The following PDZRN3 variants were observed in gnomAD, a reference collection of about 807,000 sequenced individuals.
PDZRN3 encodes the protein PDZ domain containing ring finger 3.
In PDZRN3, 38 loss-of-function variants were observed where a neutral mutation model predicts 85.7. The observed-to-expected ratio is 0.44, with a 90% CI of 0.34 to 0.58. The LOEUF (loss-of-function observed/expected upper bound fraction) is 0.58, where lower values mean the gene tolerates loss of function less well. Ranked by LOEUF, PDZRN3 falls within the 20% of genes least tolerant of loss-of-function variation. The pLI is 0.01. For missense variants in PDZRN3, 1,629 were observed against 1,506.4 expected (o/e 1.08, Z -1.35); for synonymous variants, 759 against 638.0 (o/e 1.19, Z -2.86).
intron 3 of PDZRN3, among the ~76,000 whole-genome samples, chr3:73,570,780 A>G (rs1417651064): frequency 6.6e-6 from 1 of 152,142 alleles, no homozygotes; most frequent in African/African-American, 2.4e-5. Context: ...GAGGAGGAGG[A>G]GAAGGAGGAT....
intron 3 of PDZRN3, among the ~76,000 whole-genome samples, chr3:73,491,938 G>A (rs1446651038): frequency 6.6e-6 from 1 of 151,962 alleles, no homozygotes; most frequent in East Asian, 1.9e-4. Flanking sequence ...GGGTTCACAC[G>A]TCTCAGGGTA....
intron 3 of PDZRN3, among the ~76,000 whole-genome samples, chr3:73,460,059 A>G (rs1703072519): frequency 6.6e-6 from 1 of 152,236 alleles, no homozygotes; most frequent in East Asian, 1.9e-4. Flanking sequence ...GGGGGCTTTT[A>G]AAATGATTTG....
intron 3 of PDZRN3, among the ~76,000 whole-genome samples, chr3:73,599,497 A>G (rs1702479166): frequency 6.6e-6 from 1 of 152,188 alleles, no homozygotes; most frequent in Admixed American, 6.5e-5. Flanking sequence ...CTGGAGATGG[A>G]TGGTGGTACT....
At chr3:73,608,512 C>T (rs745755314) in intron 2 of PDZRN3, 86 bp downstream of exon 2, 66 of 858,698 alleles carry the variant, frequency 7.7e-5, no homozygotes, top group Non-Finnish European at 1.2e-4. Flanking sequence ...GCAAAGTTTC[C>T]TGCTCCTCAC....
intron 3 of PDZRN3, among the ~76,000 whole-genome samples, chr3:73,484,662 T>C (rs141160366): frequency 3.3e-5 from 5 of 152,344 alleles, no homozygotes; most frequent in East Asian, 1.9e-4. Flanking sequence ...TGAAGAGGAC[T>C]AGGTATGGCT....
At chr3:73,488,790 T>C (rs541365710) in intron 3 of PDZRN3, among the ~76,000 whole-genome samples, 3 of 152,312 alleles carry the variant, frequency 2.0e-5, no homozygotes, top group African/African-American at 7.2e-5. Flanking sequence ...ATCTTAAAAT[T>C]TGTGTTTTGT....
At chr3:73,615,007 C>T (rs895313479) in intron 1 of PDZRN3, among the ~76,000 whole-genome samples, 3 of 151,104 alleles carry the variant, frequency 2.0e-5, no homozygotes, top group Admixed American at 6.6e-5. Context: ...AGACACTCAA[C>T]AAAAGTATTA....
At chr3:73,489,947 A>G (rs959526474) in intron 3 of PDZRN3, among the ~76,000 whole-genome samples, 1 of 152,190 alleles carries the variant, frequency 6.6e-6, no homozygotes, top group Non-Finnish European at 1.5e-5. Flanking sequence ...AAACCCACAA[A>G]TGTGATTACA....
chr3:73,462,876 A>G (rs556674321), intron 3 of PDZRN3, among the ~76,000 whole-genome samples: 8 of 152,208 alleles, frequency 5.3e-5, no homozygotes, highest in Non-Finnish European at 8.8e-5. Context: ...CAAATGAGAA[A>G]GGAGGCTTAA....
chr3:73,396,525 G>C (rs997953439), intron 5 of PDZRN3, among the ~76,000 whole-genome samples: 6 of 152,192 alleles, frequency 3.9e-5, no homozygotes, highest in South Asian at 4.1e-4. Context: ...ATTCTAGACT[G>C]GCTGGGGCAT....
intron 3 of PDZRN3, among the ~76,000 whole-genome samples, chr3:73,597,660 T>C (rs1033453192): frequency 6.6e-6 from 1 of 151,184 alleles, no homozygotes; most frequent in African/African-American, 2.4e-5. Context: ...AATATAGATG[T>C]GGATGGCCTC....
intron 3 of PDZRN3, among the ~76,000 whole-genome samples, chr3:73,507,919 C>A (rs1358711077): frequency 2.0e-5 from 3 of 152,070 alleles, no homozygotes; most frequent in Non-Finnish European, 2.9e-5. Context: ...ATGGTAAAAC[C>A]CCGTTTCTAC....
intron 3 of PDZRN3, among the ~76,000 whole-genome samples, chr3:73,559,887 T>C (rs1372133340): frequency 6.6e-6 from 1 of 152,208 alleles, no homozygotes; most frequent in Non-Finnish European, 1.5e-5. Context: ...TCTTAGTTCT[T>C]CCTTAGAGTC....
chr3:73,595,149 C>G (rs1038007451), intron 3 of PDZRN3, among the ~76,000 whole-genome samples: 52 of 152,182 alleles, frequency 3.4e-4, no homozygotes, highest in African/African-American at 1.2e-3. Flanking sequence ...TAGCTTCCAC[C>G]TTTGGAAACG....
chr3:73,575,267 G>A (rs1033999535), intron 3 of PDZRN3, among the ~76,000 whole-genome samples: 5 of 151,980 alleles, frequency 3.3e-5, no homozygotes, highest in Middle Eastern at 3.2e-3. Flanking sequence ...AGTTCACGTC[G>A]GTGCCTGGAA....
chr3:73,423,500 G>A (rs1285517355), intron 3 of PDZRN3, among the ~76,000 whole-genome samples: 1 of 152,190 alleles, frequency 6.6e-6, no homozygotes, highest in Admixed American at 6.5e-5. Context: ...TTTGGTTCAT[G>A]TGTTGTTTGT....
rs1405277539 is a variant in PDZRN3 at position 73,551,710 on chromosome 3, GA to G, written c.918+50643del. On this transcript the variant is annotated intron_variant, in intron 3 of 9. Coordinates refer to ENST00000263666, the MANE Select transcript of PDZRN3 (RefSeq NM_015009.3). ...TTTCAAAAAAAAAAAAAAAAAAAAG[GA>G]AAAAAAGAAACATATAATTATTTCC... Among the ~76,000 whole-genome samples the G allele has an allele frequency of 1.2e-3, 174 of 142,874 alleles. 1 individual carries two copies. Among genetic ancestry groups the G allele is most frequent in the African/African-American group, 4.1e-3 (160 of 39,268 alleles). 93.7% of individuals were successfully genotyped at this position (142,874 alleles called of 152,430 possible).
rs1399814996 is a variant in PDZRN3, at chr3:73,595,358, T to C, written c.918+6996A>G. ...AAGTGGATAACTGCTATCAAACTTT[T>C]CATACTCCTCTGCTGAATATGGTAA... On this transcript the variant is annotated intron_variant, in intron 3 of 9. Transcript: ENST00000263666. Among the ~76,000 whole-genome samples, 3 of 152,206 alleles carry C rather than the reference T, an allele frequency of 2.0e-5. No individual in the cohort carries two copies. In the East Asian group the frequency reaches 5.8e-4, roughly 29 times the overall value.
chr3:73,422,095 C>T (rs1702215296), intron 3 of PDZRN3, among the ~76,000 whole-genome samples: 1 of 152,202 alleles, frequency 6.6e-6, no homozygotes, highest in Admixed American at 6.5e-5. Context: ...AACTTCTGAC[C>T]CCATCTCTCT....
Sources: gnomAD v4.1 joint callset for allele counts (sites outside exome capture counted in the v4.1 genomes callset) on GRCh38, gnomAD v4.1.1 for gene constraint, MANE v1.5 for transcripts, NCBI Gene and HGNC (gene_info 2026-07-23, HGNC 2026-07-21) for gene names.